The following SRPK1 variants were observed in gnomAD, a reference collection of about 807,000 sequenced individuals.
SRPK1 encodes SRSF protein kinase 1.
A neutral mutation model predicts 89.5 loss-of-function variants in SRPK1; 52 were observed. That is an observed-to-expected ratio of 0.58 (90% CI 0.46 to 0.73). SRPK1 has a LOEUF of 0.73. SRPK1 is among the 30% of genes least tolerant of loss of function. The pLI is 0.00. For missense variants in SRPK1, 603 were observed against 780.6 expected (o/e 0.77, Z 2.71); for synonymous variants, 255 against 270.2 (o/e 0.94, Z 0.55).
rs545555860 is a variant in SRPK1, at chr6:35,913,969, CTTTTTTTTTTT to C, written c.74+6488_74+6498del. On this transcript the variant is annotated intron_variant, in intron 2 of 15. Transcript: ENST00000373825. Reference sequence around the variant, plus strand: ...TGCCGCACAACAAAGGATACTTTCTCTTTTTTTTTTTTTTTTTTTTTTTGAGATGGAGTTTT... The same window carrying C: ...TGCCGCACAACAAAGGATACTTTCTCTTTTTTTTTTTTGAGATGGAGTTTT... 2.3e-3 allele frequency among the ~76,000 whole-genome samples: 213 copies of C among 92,946 alleles called. 2 individuals are homozygous for C. The highest frequency in any genetic ancestry group is 8.2e-3 in the African/African-American group (206 of 25,228). The allele number at this position is 92,946 out of a possible 152,430, so 61.0% of individuals were successfully genotyped here.
rs181305442 is a variant in SRPK1, at chr6:35,869,361, C to T, written c.1411+121G>A. On this transcript the variant is annotated intron_variant, in intron 11 of 15. Coordinates refer to ENST00000373825, the MANE Select transcript of SRPK1 (RefSeq NM_003137.5). ...AGTTAGCTACAGATTACAATTTAAA[C>T]GTAACTTAGACACACCTGTTGTAAA... The T allele has an allele frequency of 1.0e-4, 125 of 1,222,834 alleles. 1 individual carries two copies. The highest frequency in any genetic ancestry group is 4.0e-4 in the Middle Eastern group (2 of 4,972). 75.7% of individuals were successfully genotyped at this position (1,222,834 alleles called of 1,614,324 possible).
At position 35,834,560 on chromosome 6, in the gene SRPK1, A is replaced by G. The variant is rs559511121; in HGVS notation, c.*744T>C. 6.6e-6 allele frequency: 1 copy of G among 152,356 alleles called. No homozygotes were observed. Among genetic ancestry groups the G allele is most frequent in the East Asian group, 1.9e-4 (1 of 5,192 alleles). 9.4% of individuals were successfully genotyped at this position (152,356 alleles called of 1,614,324 possible). A position where few individuals can be genotyped will look rare whatever the true frequency, so the allele number is the denominator to read the frequency against. ...ATAACTCTGGTCTTAGGGTAATAGA[A>G]GACATACAGGAAAGGACTGTTTATA... On this transcript the variant is annotated 3_prime_UTR_variant, in exon 16 of 16. Coordinates refer to ENST00000373825, the MANE Select transcript of SRPK1 (RefSeq NM_003137.5).
chr6:35,920,484 C>T lies in SRPK1; in HGVS notation c.58G>A (p.Asp20Asn), dbSNP rs1244374833. The change falls in exon 2 of 16, where the codon GAC (aspartate) becomes AAC (asparagine). Residue 20 changes from aspartate (D) to asparagine (N), a missense_variant. Physicochemically the swap from Asp to Asn is conservative, Grantham distance 23. Coordinates refer to ENST00000373825, the MANE Select transcript of SRPK1 (RefSeq NM_003137.5). The stretch of plus-strand genomic sequence containing the variant: ...AAGACTCACTTCCTTTGGGCTTTGT[C>T]CTTCTTGGCCTTGGTCCTTTTCTTT... ...ARKKRTKAKK[D>N]KAQRKSETQH... 1 of 1,613,372 alleles carries T rather than the reference C, an allele frequency of 6.2e-7. No individual in the cohort carries two copies. The highest frequency in any genetic ancestry group is 1.7e-5 in the Admixed American group (1 of 60,020).
rs138230979 is a variant in SRPK1 at position 35,869,624 on chromosome 6, G to C, written c.1269C>G (p.Asp423Glu). 1 of 1,613,998 alleles carries C rather than the reference G, an allele frequency of 6.2e-7. No homozygotes were observed. The highest frequency in any genetic ancestry group is 1.7e-5 in the Admixed American group (1 of 60,018). Residue 423 changes from aspartate to glutamate, a missense_variant, in exon 11 of 16, where the codon GAC (aspartate) becomes GAG (glutamate). Asp to Glu is a conservative substitution (Grantham distance 45). Coordinates refer to ENST00000373825, the MANE Select transcript of SRPK1 (RefSeq NM_003137.5). ...SCTPITSEVSDTMVCQSSSTV... is the reference protein window; with the variant it reads ...SCTPITSEVSETMVCQSSSTV... ...TTGAGGAAGACTGGCACACCATGGT[G>C]TCTGACACCTCAGATGTTATAGGTG...
chr6:35,859,101 G>A (rs915977179), intron 12 of SRPK1, among the ~76,000 whole-genome samples: 10 of 152,192 alleles, frequency 6.6e-5, no homozygotes, highest in South Asian at 2.1e-4. Context: ...GATAGCCTTA[G>A]AGTCTCAATG....
At chr6:35,882,169 G>T (rs1156646782) in intron 6 of SRPK1, among the ~76,000 whole-genome samples, 1 of 150,070 alleles carries the variant, frequency 6.7e-6, no homozygotes, top group Non-Finnish European at 1.5e-5. Context: ...AGTAGCAGCA[G>T]CAGCAGAAGA....
At chr6:35,880,766 A>C (rs1443927516) in intron 6 of SRPK1, among the ~76,000 whole-genome samples, 4 of 131,334 alleles carry the variant, frequency 3.0e-5, no homozygotes, top group Admixed American at 7.6e-5. Context: ...GAAAAGAAGA[A>C]GAAATGGCCA....
Position 35,882,118 on chromosome 6 carries a change from CTAGTAGTAG to C in SRPK1, c.478+4597_478+4605del, listed in dbSNP as rs59881690. 3.0e-3 allele frequency among the ~76,000 whole-genome samples: 426 copies of C among 140,164 alleles called. 2 individuals carry two copies. Among genetic ancestry groups the C allele is most frequent in the African/African-American group, 7.4e-3 (282 of 38,186 alleles). 92.0% of individuals were successfully genotyped at this position (140,164 alleles called of 152,430 possible). A position where few individuals can be genotyped will look rare whatever the true frequency, so the allele number is the denominator to read the frequency against. On this transcript the variant is annotated intron_variant, in intron 6 of 15. Transcript: ENST00000373825. ...AGTAGTAGCAATAGTAGTAGTAGTA[CTAGTAGTAG>C]TAGTAGTAGTAGTAGTAGTAGTAGT...
chr6:35,853,049 G>A (rs1769588191), intron 13 of SRPK1, among the ~76,000 whole-genome samples: 1 of 152,148 alleles, frequency 6.6e-6, no homozygotes, highest in South Asian at 2.1e-4. Flanking sequence ...AGACCAGTCT[G>A]TGCAACATAG....
chr6:35,885,296 CACAGAGAGAGAGAG>C (rs1188525007), intron 6 of SRPK1, among the ~76,000 whole-genome samples: 2,494 of 123,768 alleles, frequency 0.02, 69 homozygotes, highest in African/African-American at 0.068. Flanking sequence ...CACACACACA[CACAGAGAGAGAGAG>C]AGAGAGAGAG....
chr6:35,898,023 A>C (rs1381087275), intron 2 of SRPK1, among the ~76,000 whole-genome samples: 1 of 152,266 alleles, frequency 6.6e-6, no homozygotes, highest in African/African-American at 2.4e-5. Context: ...AATACATTGC[A>C]TTATGAATGT....
chr6:35,869,269 C>A, intron 11 of SRPK1, 159 bp from the exon 12 acceptor site: 1 of 878,064 alleles, frequency 1.1e-6, no homozygotes, highest in Admixed American at 2.9e-5. Flanking sequence ...CTTGAGTTTC[C>A]AGAATTAAAA....
At chr6:35,887,974 C>T (rs1205161970) in intron 5 of SRPK1, 50 bp downstream of exon 5, 1 of 1,333,632 alleles carries the variant, frequency 7.5e-7, no homozygotes, top group Non-Finnish European at 1.0e-6. Context: ...TTCAATGAAA[C>T]TTGATTTATT....
chr6:35,908,699 G>C (rs1400126665), intron 2 of SRPK1, among the ~76,000 whole-genome samples: 1 of 152,228 alleles, frequency 6.6e-6, no homozygotes, highest in African/African-American at 2.4e-5. Flanking sequence ...TTTCTGGGGA[G>C]AAATTCAAGC....
intron 12 of SRPK1, among the ~76,000 whole-genome samples, chr6:35,867,044 T>C (rs1322707812): frequency 1.3e-5 from 2 of 152,208 alleles, no homozygotes; most frequent in Non-Finnish European, 2.9e-5. Context: ...GGGATGTTAC[T>C]TGGTGGTTAC....
chr6:35,879,851 T>C (rs1203046702), intron 6 of SRPK1, among the ~76,000 whole-genome samples: 1 of 152,074 alleles, frequency 6.6e-6, no homozygotes, highest in Non-Finnish European at 1.5e-5. Context: ...GCAGGAGGAC[T>C]GCTTGAACCC....
intron 14 of SRPK1, among the ~76,000 whole-genome samples, chr6:35,840,348 C>G (rs1769280062): frequency 6.6e-6 from 1 of 152,134 alleles, no homozygotes; most frequent in South Asian, 2.1e-4. Context: ...GCAGTTTTGA[C>G]TGAATTTATG....
intron 8 of SRPK1, among the ~76,000 whole-genome samples, chr6:35,871,620 T>A (rs1048725922): frequency 6.6e-6 from 1 of 152,202 alleles, no homozygotes; most frequent in Non-Finnish European, 1.5e-5. Context: ...TCTTCCTTTT[T>A]AAAGAAGTGT....
intron 2 of SRPK1, among the ~76,000 whole-genome samples, chr6:35,892,248 C>G (rs1719888932): frequency 6.6e-6 from 1 of 152,138 alleles, no homozygotes; most frequent in Non-Finnish European, 1.5e-5. Context: ...TATATGTCTT[C>G]AATTAGTTAT....
Sources: gnomAD v4.1 joint callset for allele counts (sites outside exome capture counted in the v4.1 genomes callset) on GRCh38, gnomAD v4.1.1 for gene constraint, MANE v1.5 for transcripts, NCBI Gene and HGNC (gene_info 2026-07-23, HGNC 2026-07-21) for gene names.